The following LNX1 variants were observed in gnomAD, a reference collection of about 807,000 sequenced individuals.
LNX1 encodes the protein ligand of numb-protein X 1, also known as E3 ubiquitin-protein ligase LNX.
A neutral mutation model predicts 68.4 loss-of-function variants in LNX1; 54 were observed. The ratio of observed to expected loss-of-function variants is 0.79; its 90% confidence interval spans 0.63 to 0.99. The LOEUF (loss-of-function observed/expected upper bound fraction) is 0.99. Among genes scored for constraint, LNX1 ranks in the 50% least tolerant of loss-of-function variants. LNX1 has a pLI of 0.00. For missense variants in LNX1, 906 were observed against 926.4 expected (o/e 0.98, Z 0.29); for synonymous variants, 336 against 350.0 (o/e 0.96, Z 0.45).
intron 2 of LNX1, among the ~76,000 whole-genome samples, chr4:53,606,766 G>A (rs1212866662): frequency 1.3e-5 from 2 of 152,196 alleles, no homozygotes; most frequent in Non-Finnish European, 2.9e-5. Context: ...CCATGATCAA[G>A]TAGGCTTCAT....
At chr4:53,607,047 C>A (rs1345061270) in intron 2 of LNX1, among the ~76,000 whole-genome samples, 2 of 152,144 alleles carry the variant, frequency 1.3e-5, no homozygotes, top group African/African-American at 4.8e-5. Flanking sequence ...AAAACCTGCA[C>A]AAGACAAGGA....
intron 2 of LNX1, among the ~76,000 whole-genome samples, chr4:53,608,609 T>G (rs2616409): frequency 0.21 from 32,313 of 152,134 alleles, 3,937 homozygotes; most frequent in Admixed American, 0.3. Flanking sequence ...ATCCCATTTT[T>G]GGGTATATAC....
intron 9 of LNX1, among the ~76,000 whole-genome samples, chr4:53,472,999 T>G (rs2150574503): frequency 6.6e-6 from 1 of 152,318 alleles, no homozygotes; most frequent in East Asian, 1.9e-4. Context: ...CTGGAGTGAT[T>G]TTCAAATTTT....
chr4:53,557,971 G>A (rs759474577), intron 2 of LNX1: 19 of 1,613,490 alleles, frequency 1.2e-5, no homozygotes, highest in African/African-American at 1.1e-4. Flanking sequence ...TTCATTCTCC[G>A]AGCAGTGTGC....
rs766883204 is a variant in LNX1 at position 53,573,723 on chromosome 4, C to A, written c.280G>T (p.Val94Phe). ...AGTAGCTTGTTGAGGAGTTTGTTGA[C>A]CAGGATGCTGGACTTCTTGCAGTGC... Reference protein sequence around the residue: ...LQHCKKSSILVNKLLNKLLVT... With the variant: ...LQHCKKSSILFNKLLNKLLVT... Residue 94 changes from valine (V) to phenylalanine (F), a missense_variant, in exon 2 of 11, where the codon GTC (valine) becomes TTC (phenylalanine). Coordinates refer to ENST00000263925, the MANE Select transcript of LNX1 (RefSeq NM_001126328.3). 97 of 1,611,176 alleles carry A rather than the reference C, an allele frequency of 6.0e-5. 1 individual carries two copies. The Middle Eastern group carries it at 1.8e-3, about 30-fold the overall frequency.
At chr4:53,648,803 C>G (rs1734984643) in intron 1 of LNX1, among the ~76,000 whole-genome samples, 1 of 152,158 alleles carries the variant, frequency 6.6e-6, no homozygotes, top group African/African-American at 2.4e-5. Flanking sequence ...CCCTTCCATC[C>G]CCCTGAACAC....
intron 9 of LNX1, among the ~76,000 whole-genome samples, chr4:53,466,477 A>G (rs1448786792): frequency 6.6e-6 from 1 of 152,186 alleles, no homozygotes; most frequent in Non-Finnish European, 1.5e-5. Context: ...CTCACTAGGG[A>G]GTGCCAGACG....
intron 2 of LNX1, among the ~76,000 whole-genome samples, chr4:53,534,423 G>A (rs1447511064): frequency 6.6e-6 from 1 of 152,110 alleles, no homozygotes; most frequent in Admixed American, 6.5e-5. Context: ...AGGGTCTCGA[G>A]CCTAGGAGAT....
At chr4:53,625,788 C>G (rs1215572758) in intron 1 of LNX1, among the ~76,000 whole-genome samples, 2 of 151,746 alleles carry the variant, frequency 1.3e-5, no homozygotes, top group African/African-American at 2.4e-5. Flanking sequence ...GCCTAGGTAA[C>G]AGAGCAAGGT....
intron 2 of LNX1, among the ~76,000 whole-genome samples, chr4:53,550,628 C>T (rs1729435830): frequency 6.6e-6 from 1 of 152,230 alleles, no homozygotes; most frequent in African/African-American, 2.4e-5. Flanking sequence ...AGGCAATCCA[C>T]TGTATTCCAC....
chr4:53,501,381 C>T (rs1036918844), intron 4 of LNX1, among the ~76,000 whole-genome samples: 1 of 150,440 alleles, frequency 6.6e-6, no homozygotes, highest in African/African-American at 2.4e-5. Flanking sequence ...GCCTTGACCT[C>T]ATGGGCTCAG....
rs572881268 is a variant in LNX1 at position 53,554,017 on chromosome 4, C to G, written c.380+19606G>C. 5.3e-5 allele frequency among the ~76,000 whole-genome samples: 8 copies of G among 152,346 alleles called. No individual in the cohort carries two copies. In the South Asian group the frequency reaches 1.7e-3, roughly 32 times the overall value. ...GTCATTCCTTATCTATGAGAAACAG[C>G]TTAGCCCCTAGCCTGTCCCAGGAAA... On this transcript the variant is annotated intron_variant, in intron 2 of 10. Coordinates refer to ENST00000263925, the MANE Select transcript of LNX1 (RefSeq NM_001126328.3).
At chr4:53,589,314 G>A (rs10735529) in intron 1 of LNX1, among the ~76,000 whole-genome samples, 150,128 of 152,364 alleles carry the variant, frequency 0.99, 74,018 homozygotes, top group Middle Eastern at 1. Context: ...CACCTTGTTT[G>A]ATGACATTGT....
chr4:53,637,681 A>G (rs1020053247), intron 1 of LNX1, among the ~76,000 whole-genome samples: 2 of 152,204 alleles, frequency 1.3e-5, no homozygotes, highest in Non-Finnish European at 2.9e-5. Context: ...AAAACAGAAT[A>G]CTGCCAATTA....
chr4:53,522,763 A>G (rs1216627879), intron 2 of LNX1, among the ~76,000 whole-genome samples: 1 of 152,200 alleles, frequency 6.6e-6, no homozygotes, highest in East Asian at 1.9e-4. Flanking sequence ...AGAAAATATT[A>G]TCCAGCCTGG....
intron 2 of LNX1, among the ~76,000 whole-genome samples, chr4:53,527,051 T>TAAA (rs11415751): frequency 0.015 from 1,838 of 121,388 alleles, 34 homozygotes; most frequent in Non-Finnish European, 0.017. Flanking sequence ...TCCCTGCCCC[T>TAAA]AAAAAAAAAA....
chr4:53,551,482 A>C (rs776769431), intron 2 of LNX1, among the ~76,000 whole-genome samples: 5 of 152,176 alleles, frequency 3.3e-5, no homozygotes, highest in African/African-American at 7.2e-5. Context: ...AAAATGGCAG[A>C]GTTTAACTGG....
intron 4 of LNX1, 83 bp from the exon 5 acceptor site, chr4:53,498,926 G>T: frequency 1.0e-6 from 1 of 1,000,528 alleles, no homozygotes; most frequent in Non-Finnish European, 1.6e-6. Flanking sequence ...TTCAGTGTCA[G>T]CCAAACTAAA....
chr4:53,600,247 C>T (rs1306731750), intron 2 of LNX1, among the ~76,000 whole-genome samples: 1 of 152,048 alleles, frequency 6.6e-6, no homozygotes, highest in Non-Finnish European at 1.5e-5. Flanking sequence ...AACTTTTTCC[C>T]AAAGGGGTTG....
Sources: allele counts gnomAD v4.1 joint callset (sites outside exome capture counted in the v4.1 genomes callset), GRCh38; gene constraint gnomAD v4.1.1; transcripts MANE v1.5; gene names NCBI Gene and HGNC (gene_info 2026-07-23, HGNC 2026-07-21).